The following WWOX variants were observed in gnomAD, a reference collection of about 807,000 sequenced individuals.
WWOX encodes WW domain-containing oxidoreductase.
WWOX carries 69 observed loss-of-function variants against 46.2 expected under a neutral mutation model. That is an observed-to-expected ratio of 1.49 (90% CI 1.23 to 1.82). The LOEUF is 1.82. WWOX is among the 40% of genes most tolerant of loss of function. WWOX has a pLI of 0.00. For missense variants in WWOX, 919 were observed against 542.6 expected (o/e 1.69, Z -6.89); for synonymous variants, 359 against 202.6 (o/e 1.77, Z -6.56).
chr16:78,845,575 T>C (rs555417300), intron 8 of WWOX, among the ~76,000 whole-genome samples: 5 of 152,314 alleles, frequency 3.3e-5, no homozygotes, highest in African/African-American at 1.2e-4. Flanking sequence ...CAATGCCATA[T>C]AATTTACTAA....
chr16:78,584,904 A>G (rs2045156730), intron 8 of WWOX, among the ~76,000 whole-genome samples: 1 of 152,214 alleles, frequency 6.6e-6, no homozygotes, highest in Non-Finnish European at 1.5e-5. Flanking sequence ...TTTCCCATTC[A>G]TTGACAGAAT....
intron 8 of WWOX, among the ~76,000 whole-genome samples, chr16:78,592,969 G>C (rs2045386090): frequency 6.6e-6 from 1 of 152,164 alleles, no homozygotes; most frequent in Non-Finnish European, 1.5e-5. Context: ...TTCTCTCCCA[G>C]TGGTGGTGAT....
intron 8 of WWOX, among the ~76,000 whole-genome samples, chr16:78,912,374 G>T (rs973211855): frequency 6.6e-6 from 1 of 151,832 alleles, no homozygotes; most frequent in African/African-American, 2.4e-5. Flanking sequence ...TCTGCATTTT[G>T]CACATGACAA....
intron 8 of WWOX, among the ~76,000 whole-genome samples, chr16:78,555,210 T>C (rs773132089): frequency 1.3e-5 from 2 of 149,502 alleles, no homozygotes; most frequent in Non-Finnish European, 3.0e-5. Context: ...CTCAGAATCC[T>C]CATTGGAGGC....
chr16:78,318,387 C>T (rs920424747), intron 5 of WWOX, among the ~76,000 whole-genome samples: 7 of 150,558 alleles, frequency 4.6e-5, no homozygotes, highest in East Asian at 4.0e-4. Flanking sequence ...TGCTGTGAGC[C>T]GAGATTGCGT....
intron 6 of WWOX, among the ~76,000 whole-genome samples, chr16:78,417,647 G>C (rs1476013944): frequency 6.6e-6 from 1 of 152,098 alleles, no homozygotes; most frequent in Admixed American, 6.6e-5. Context: ...TTTAGCAGTG[G>C]TCCTGTCTTA....
At chr16:78,411,937 G>C (rs370480445) in intron 6 of WWOX, among the ~76,000 whole-genome samples, 12 of 152,202 alleles carry the variant, frequency 7.9e-5, no homozygotes, top group Admixed American at 2.0e-4. Flanking sequence ...ATCTGTTTCC[G>C]CCCGATTCCA....
Position 78,495,145 on chromosome 16 carries a change from C to CTTTTTTTTTTTTTTTT in WWOX, c.1056+62407_1056+62408insTTTTTTTTTTTTTTTT, listed in dbSNP as rs71140804. On this transcript the variant is annotated intron_variant, in intron 8 of 8. Coordinates refer to ENST00000566780, the MANE Select transcript of WWOX (RefSeq NM_016373.4). The stretch of plus-strand genomic sequence containing the variant: ...AAGATTAGTAGTAGACTGTTGTGTT[C>CTTTTTTTTTTTTTTTT]TTTTTTTTTTTTTTGAGATAGACTC... 7.7e-5 allele frequency among the ~76,000 whole-genome samples: 9 copies of CTTTTTTTTTTTTTTTT among 116,606 alleles called. 2 individuals carry two copies. The highest frequency in any genetic ancestry group is 8.7e-5 in the Non-Finnish European group (5 of 57,736). The allele number at this position is 116,606 out of a possible 152,430, so 76.5% of individuals were successfully genotyped here. A position where few individuals can be genotyped will look rare whatever the true frequency, so the allele number is the denominator to read the frequency against.
intron 8 of WWOX, among the ~76,000 whole-genome samples, chr16:78,868,445 CTG>C (rs1221670707): frequency 1.3e-5 from 2 of 150,094 alleles, no homozygotes; most frequent in African/African-American, 2.5e-5. Flanking sequence ...TAGGACAAGA[CTG>C]TGGTGATGGC....
intron 8 of WWOX, among the ~76,000 whole-genome samples, chr16:78,746,114 G>T (rs115275480): frequency 6.6e-6 from 1 of 152,182 alleles, no homozygotes; most frequent in Non-Finnish European, 1.5e-5. Flanking sequence ...CATGTGATTT[G>T]TCCAAGGACA....
At chr16:78,465,460 G>A (rs1299917852) in intron 8 of WWOX, among the ~76,000 whole-genome samples, 2 of 152,190 alleles carry the variant, frequency 1.3e-5, no homozygotes, top group East Asian at 1.9e-4. Flanking sequence ...GATTACAGGT[G>A]TGAGCCACCA....
intron 8 of WWOX, among the ~76,000 whole-genome samples, chr16:79,001,643 T>TG (rs1450852209): frequency 2.0e-5 from 3 of 148,000 alleles, no homozygotes; most frequent in African/African-American, 7.5e-5. Context: ...CTATATTATG[T>TG]GGGAAAAAAA....
At chr16:79,123,704 C>T (rs1479766522) in intron 8 of WWOX, among the ~76,000 whole-genome samples, 1 of 152,126 alleles carries the variant, frequency 6.6e-6, no homozygotes. Context: ...TACCTGTCAG[C>T]TGTAGGAACA....
At chr16:78,573,607 G>A (rs562466567) in intron 8 of WWOX, among the ~76,000 whole-genome samples, 1 of 152,338 alleles carries the variant, frequency 6.6e-6, no homozygotes, top group East Asian at 1.9e-4. Context: ...CCTTTGCCCA[G>A]TGTACTCTCT....
chr16:78,844,740 G>A lies in WWOX; in HGVS notation c.1057-366868G>A, dbSNP rs146885813. Among the ~76,000 whole-genome samples the A allele has an allele frequency of 2.0e-5, 3 of 152,328 alleles. No homozygotes were observed. In the East Asian group the frequency reaches 5.8e-4, roughly 29 times the overall value. The stretch of plus-strand genomic sequence containing the variant: ...ACTGTCTGCCTTACAAGATGCGTCT[G>A]GAAACCCCAGTGCCATCCTCCTTTT... On this transcript the variant is annotated intron_variant, in intron 8 of 8. Transcript: ENST00000566780.
intron 8 of WWOX, among the ~76,000 whole-genome samples, chr16:78,783,004 C>G (rs1363861907): frequency 1.3e-5 from 2 of 152,158 alleles, no homozygotes; most frequent in African/African-American, 4.8e-5. Flanking sequence ...AATTACAATA[C>G]TGAATCCTAG....
intron 5 of WWOX, chr16:78,179,840 C>A (rs1345516925): frequency 6.6e-6 from 1 of 152,170 alleles, no homozygotes; most frequent in African/African-American, 2.4e-5. Context: ...CTTGGTATAA[C>A]CCCAGTGAGT....
At chr16:78,530,035 C>A (rs960352599) in intron 8 of WWOX, among the ~76,000 whole-genome samples, 1 of 152,094 alleles carries the variant, frequency 6.6e-6, no homozygotes, top group African/African-American at 2.4e-5. Flanking sequence ...TAGAGGTGAA[C>A]TGCACTCACT....
chr16:78,404,042 A>C (rs1054859612), intron 6 of WWOX, among the ~76,000 whole-genome samples: 1 of 152,204 alleles, frequency 6.6e-6, no homozygotes, highest in Non-Finnish European at 1.5e-5. Context: ...AGTCTTTTGC[A>C]AAGGGCGAGG....
Sources: allele counts gnomAD v4.1 joint callset (sites outside exome capture counted in the v4.1 genomes callset), GRCh38; gene constraint gnomAD v4.1.1; transcripts MANE v1.5; gene names NCBI Gene and HGNC (gene_info 2026-07-23, HGNC 2026-07-21).